ANLN: variants seen among roughly 807,000 people sequenced by gnomAD.
ANLN encodes the protein anillin.
A neutral mutation model predicts 135.1 loss-of-function variants in ANLN; 59 were observed. That is an observed-to-expected ratio of 0.44 (90% CI 0.35 to 0.54). The LOEUF (loss-of-function observed/expected upper bound fraction) is 0.54, where lower values mean the gene tolerates loss of function less well. Ranked by LOEUF, ANLN falls within the 20% of genes least tolerant of loss-of-function variation. The pLI, the probability that ANLN is intolerant of heterozygous loss-of-function variation, is 0.00. For missense variants in ANLN, 1,182 were observed against 1,340.0 expected, an observed-to-expected ratio of 0.88 and a Z score of 1.84; for synonymous variants, 406 against 456.4, an observed-to-expected ratio of 0.89 and a Z score of 1.41.
rs139579665 is a variant in ANLN at position 36,417,102 on chromosome 7, G to T, written c.1545G>T (p.Thr515=). 1.9e-6 allele frequency: 3 copies of T among 1,603,286 alleles called. No homozygotes were observed. Among genetic ancestry groups the T allele is most frequent in the Non-Finnish European group, 2.6e-6 (3 of 1,175,070 alleles). The change falls in exon 9 of 24, where the codon ACG becomes ACT. Residue 515 remains threonine (T), a synonymous_variant. Coordinates refer to ENST00000265748, the MANE Select transcript of ANLN (RefSeq NM_018685.5). ...TAGGTTTCACTGAATGCGAAATGAC[G>T]AAATCTAGCCCTTTGAAAATAACAT... ...EPKGFTECEM[T]KSSPLKITLF...
chr7:36,437,318 T>C (rs1788585243), intron 20 of ANLN, among the ~76,000 whole-genome samples: 1 of 152,224 alleles, frequency 6.6e-6, no homozygotes, highest in African/African-American at 2.4e-5. Flanking sequence ...TTATTTCATT[T>C]AGCATAATGT....
At chr7:36,449,955 G>A (rs1255923059) in intron 23 of ANLN, 118 bp downstream of exon 23, 4 of 924,686 alleles carry the variant, frequency 4.3e-6, no homozygotes, top group Non-Finnish European at 6.2e-6. Flanking sequence ...CAGCCTTAGT[G>A]AGAAAACAAA....
chr7:36,405,571 C>G (rs1787153104), intron 3 of ANLN, among the ~76,000 whole-genome samples: 4 of 152,172 alleles, frequency 2.6e-5, no homozygotes, highest in South Asian at 2.1e-4. Flanking sequence ...GAATCTTCGT[C>G]AGTTAAATAT....
At chr7:36,408,060 G>A (rs1787266316) in intron 5 of ANLN, 104 bp downstream of exon 5, 2 of 901,054 alleles carry the variant, frequency 2.2e-6, no homozygotes, top group Admixed American at 5.5e-5. Context: ...TGATTTGCCA[G>A]GGCCAATGCC....
intron 5 of ANLN, among the ~76,000 whole-genome samples, chr7:36,408,404 T>C (rs1787277999): frequency 6.6e-6 from 1 of 152,204 alleles, no homozygotes; most frequent in African/African-American, 2.4e-5. Context: ...TTTATTTATT[T>C]ACTAAATTGA....
At chr7:36,422,554 T>C in intron 13 of ANLN, 79 bp from the exon 14 acceptor site, 6 of 1,257,418 alleles carry the variant, frequency 4.8e-6, no homozygotes, top group Non-Finnish European at 6.6e-6. Context: ...AGTTTCCATA[T>C]CAGTACACTT....
rs369030060 is a variant in ANLN, at chr7:36,390,059, G to C, written c.18+15G>C. 6.2e-7 allele frequency: 1 copy of C among 1,613,520 alleles called. No individual in the cohort carries two copies. The highest frequency in any genetic ancestry group is 2.2e-5 in the East Asian group (1 of 44,882). The stretch of plus-strand genomic sequence containing the variant: ...CGTTTACGGAGGTGAGTGAGTTTGC[G>C]GGTGCAGCCAGCCATGACCCACCGC... On this transcript the variant is annotated intron_variant, in intron 1 of 23. Coordinates refer to ENST00000265748, the MANE Select transcript of ANLN (RefSeq NM_018685.5).
In ANLN at chr7:36,419,370, T is replaced by A. The variant is rs1476001698; in HGVS notation, c.1760T>A (p.Met587Lys). 5 of 1,614,026 alleles carry A rather than the reference T, an allele frequency of 3.1e-6. No homozygotes were observed. Among genetic ancestry groups the A allele is most frequent in the East Asian group, 2.2e-5 (1 of 44,868 alleles). Reference sequence around the variant, plus strand: ...GATATGGAGAAGAGCCAAGAGGAGATGGATCAAGCATTAGCAGAAAGCAGC... The same window carrying A: ...GATATGGAGAAGAGCCAAGAGGAGAAGGATCAAGCATTAGCAGAAAGCAGC... Reference protein sequence around the residue: ...ELDMEKSQEEMDQALAESSEE... With the variant: ...ELDMEKSQEEKDQALAESSEE... The change falls in exon 10 of 24, where the codon ATG becomes AAG. Residue 587 changes from methionine to lysine, a missense_variant. Physicochemically the swap from Met to Lys is moderately conservative, Grantham distance 95. Transcript: ENST00000265748.
intron 11 of ANLN, 36 bp downstream of exon 11, chr7:36,420,350 G>C (rs201090577): frequency 3.7e-6 from 6 of 1,604,804 alleles, no homozygotes; most frequent in Admixed American, 1.7e-5. Context: ...ACTCACTAAG[G>C]GTCATGGTTT....
At position 36,420,634 on chromosome 7, in the gene ANLN, G is replaced by C; in HGVS notation, c.2053G>C (p.Glu685Gln). 1 of 1,613,434 alleles carries C rather than the reference G, an allele frequency of 6.2e-7. No individual in the cohort carries two copies. Among genetic ancestry groups the C allele is most frequent in the Non-Finnish European group, 8.5e-7 (1 of 1,179,450 alleles). Reference sequence around the variant, plus strand: ...TAGATCTCAAAGATTCAAAGAAACAGAACGTCCATCAATAAAGCAGGTGAT... The same window carrying C: ...TAGATCTCAAAGATTCAAAGAAACACAACGTCCATCAATAAAGCAGGTGAT... ...AYRSQRFKET[E>Q]RPSIKQVIVR... The change falls in exon 12 of 24, where the codon GAA becomes CAA. Residue 685 changes from glutamate to glutamine, a missense_variant. Transcript: ENST00000265748.
chr7:36,451,822 C>T (rs1339646941), intron 23 of ANLN, among the ~76,000 whole-genome samples: 4 of 152,178 alleles, frequency 2.6e-5, no homozygotes, highest in African/African-American at 9.7e-5. Flanking sequence ...TAGGGAATCC[C>T]CCCTTCCTTA....
In ANLN at chr7:36,410,529, A is replaced by T. The variant is rs1787367372; in HGVS notation, c.1112A>T (p.Lys371Met). 6.2e-7 allele frequency: 1 copy of T among 1,608,234 alleles called. No homozygotes were observed. Reference protein sequence around the residue: ...KSTTPGGTGIKPFLERFGERC... With the variant: ...KSTTPGGTGIMPFLERFGERC... ...TTTTCTGTAGGAGGAACAGGAATTA[A>T]GCCTTTCCTGGAACGCTTTGGAGAG... The change falls in exon 6 of 24, where the codon AAG (lysine) becomes ATG (methionine). Residue 371 changes from lysine (K) to methionine (M), a missense_variant. Physicochemically the swap from Lys to Met is moderately conservative, Grantham distance 95. This residue lies in a region of ANLN where 1,022 missense variants were observed against 1,134.0 expected (regional missense o/e 0.90). Transcript: ENST00000265748.
intron 7 of ANLN, among the ~76,000 whole-genome samples, chr7:36,415,188 A>G (rs1408312150): frequency 6.6e-6 from 1 of 152,240 alleles, no homozygotes; most frequent in African/African-American, 2.4e-5. Flanking sequence ...AAAAAGACTC[A>G]GACGAGGGAA....
chr7:36,415,913 G>C, intron 8 of ANLN, 29 bp downstream of exon 8: 1 of 1,516,306 alleles, frequency 6.6e-7, no homozygotes, highest in Non-Finnish European at 8.9e-7. Context: ...TTCATGGTTA[G>C]TATGTAGAAA....
chr7:36,406,573 C>A lies in ANLN; in HGVS notation c.873+7C>A. ...CTCAATTTCCAGCTCTGTGGTAAGT[C>A]AGTATCATTTTGGTCTTTGGAAGCC... On this transcript the variant is annotated splice_region_variant and intron_variant, in intron 4 of 23. Coordinates refer to ENST00000265748, the MANE Select transcript of ANLN (RefSeq NM_018685.5). The A allele has an allele frequency of 6.7e-7, 1 of 1,487,688 alleles. No homozygotes were observed. Among genetic ancestry groups the A allele is most frequent in the South Asian group, 1.4e-5 (1 of 70,032 alleles). The allele number at this position is 1,487,688 out of a possible 1,614,324, so 92.2% of individuals were successfully genotyped here. A position where few individuals can be genotyped will look rare whatever the true frequency, so the allele number is the denominator to read the frequency against.
At chr7:36,423,782 T>C in intron 14 of ANLN, 35 bp from the exon 15 acceptor site, 1 of 1,577,920 alleles carries the variant, frequency 6.3e-7, no homozygotes, top group Non-Finnish European at 8.6e-7. Context: ...CTGATTTTGC[T>C]TGTGCTTACT....
At chr7:36,434,490 T>G (rs914319227) in intron 20 of ANLN, among the ~76,000 whole-genome samples, 1 of 152,196 alleles carries the variant, frequency 6.6e-6, no homozygotes, top group African/African-American at 2.4e-5. Flanking sequence ...CCTGCAAAAT[T>G]TGTTGCTTAT....
At position 36,406,523 on chromosome 7, in the gene ANLN, C is replaced by T. The variant is rs755046345; in HGVS notation, c.830C>T (p.Ala277Val). Reference protein sequence around the residue: ...ASLNKALSSSADDASLVNASI... With the variant: ...ASLNKALSSSVDDASLVNASI... ...TTGAATAAAGCCCTATCCTCAAGTG[C>T]TGATGATGCGTCTTTGGTTAATGCC... is the stretch of plus-strand genomic sequence containing the variant. The change falls in exon 4 of 24, where the codon GCT becomes GTT. Residue 277 changes from alanine to valine, a missense_variant. Around this residue, in one of 3 missense-constraint regions of ANLN, gnomAD observed 1,022 missense variants for 1,134.0 expected, o/e 0.90. Coordinates refer to ENST00000265748, the MANE Select transcript of ANLN (RefSeq NM_018685.5). 28 of 1,544,342 alleles carry T rather than the reference C, an allele frequency of 1.8e-5. 1 individual carries two copies. The South Asian group carries it at 3.3e-4, about 18-fold the overall frequency.
chr7:36,422,510 T>C (rs1583627726), intron 13 of ANLN, 123 bp from the exon 14 acceptor site: 2 of 789,944 alleles, frequency 2.5e-6, no homozygotes, highest in East Asian at 2.9e-5. Flanking sequence ...TTTATAAAGA[T>C]AGTGTTACTG....
Sources: gnomAD v4.1 joint callset for allele counts (sites outside exome capture counted in the v4.1 genomes callset) on GRCh38, gnomAD v4.1.1 for gene constraint, gnomAD v4.1.1 regional missense constraint, MANE v1.5 for transcripts, NCBI Gene and HGNC (gene_info 2026-07-23, HGNC 2026-07-21) for gene names.